The following SLC27A6 variants were observed in gnomAD, a reference collection of about 807,000 sequenced individuals.
The protein encoded by SLC27A6 is solute carrier family 27 member 6.
SLC27A6 carries 74 observed loss-of-function variants against 63.9 expected under a neutral mutation model. The ratio of observed to expected loss-of-function variants is 1.16; its 90% CI spans 0.96 to 1.40. The LOEUF (loss-of-function observed/expected upper bound fraction) is 1.40, where lower values mean the gene tolerates loss of function less well. Ranked by LOEUF, SLC27A6 falls within the 40% of genes most tolerant of loss-of-function variation. SLC27A6 has a pLI of 0.00. For missense variants in SLC27A6, 794 were observed against 732.9 expected, an observed-to-expected ratio of 1.08 and a Z score of -0.96; for synonymous variants, 287 against 260.8, an observed-to-expected ratio of 1.10 and a Z score of -0.97.
intron 6 of SLC27A6, 131 bp from the exon 7 acceptor site, chr5:129,027,002 A>C (rs1372547315): frequency 1.6e-5 from 11 of 698,824 alleles, no homozygotes; most frequent in Middle Eastern, 5.6e-4. Flanking sequence ...TGTCAAATAC[A>C]GAAATAGGTT....
chr5:129,009,931 C>A (rs1278430143), intron 4 of SLC27A6, among the ~76,000 whole-genome samples: 1 of 152,178 alleles, frequency 6.6e-6, no homozygotes, highest in African/African-American at 2.4e-5. Flanking sequence ...CCCGCCTCAG[C>A]CTCCCAAAGT....
At chr5:128,997,667 T>C (rs926853597) in intron 4 of SLC27A6, among the ~76,000 whole-genome samples, 2 of 152,226 alleles carry the variant, frequency 1.3e-5, no homozygotes, top group African/African-American at 2.4e-5. Flanking sequence ...TCTTTTTCTA[T>C]CTGTCCTTTA....
chr5:129,024,935 C>A (rs1752186790), intron 6 of SLC27A6, among the ~76,000 whole-genome samples: 1 of 152,154 alleles, frequency 6.6e-6, no homozygotes, highest in South Asian at 2.1e-4. Flanking sequence ...GAATTTCAAG[C>A]CTACTGGCAT....
rs1761205803 is a variant in SLC27A6 at position 129,023,682 on chromosome 5, G to T, written c.1227G>T (p.Glu409Asp). The change falls in exon 6 of 10, where the codon GAG becomes GAT. Residue 409 changes from glutamate (E) to aspartate (D), a missense_variant. Physicochemically the swap from Glu to Asp is conservative, Grantham distance 45. Transcript: ENST00000262462. The part of the protein sequence containing the change: ...DFQKDEPMRN[E>D]QGWCIHVKKG... The stretch of plus-strand genomic sequence containing the variant: ...AGAAAGATGAACCCATGAGAAATGA[G>T]CAGGGTTGGTGTATTCATGTGAAAA... 1.2e-6 allele frequency: 2 copies of T among 1,609,996 alleles called. No homozygotes were observed. Among genetic ancestry groups the T allele is most frequent in the Non-Finnish European group, 8.5e-7 (1 of 1,178,144 alleles).
chr5:129,012,578 A>G (rs1751760621), intron 4 of SLC27A6, among the ~76,000 whole-genome samples: 1 of 152,002 alleles, frequency 6.6e-6, no homozygotes, highest in South Asian at 2.1e-4. Context: ...ATCTCAGTCT[A>G]TTTTAGCTCT....
chr5:129,009,677 G>A (rs1435637050), intron 4 of SLC27A6, among the ~76,000 whole-genome samples: 1 of 149,546 alleles, frequency 6.7e-6, no homozygotes, highest in African/African-American at 2.4e-5. Context: ...TTCTTTGTGT[G>A]TGTGTGTGTG....
At chr5:129,006,446 A>AGTGTGT (rs72056782) in intron 4 of SLC27A6, among the ~76,000 whole-genome samples, 2,949 of 144,082 alleles carry the variant, frequency 0.02, 42 homozygotes, top group Middle Eastern at 0.028. Flanking sequence ...TATATGCATG[A>AGTGTGT]GTGTGTGTGT....
rs1041402739 is a variant in SLC27A6, at chr5:128,973,193, G to T, written c.481+6575G>T. 7.6e-4 allele frequency among the ~76,000 whole-genome samples: 115 copies of T among 152,242 alleles called. 1 individual carries two copies. Among genetic ancestry groups the T allele is most frequent in the African/African-American group, 2.7e-3 (111 of 41,556 alleles). The stretch of plus-strand genomic sequence containing the variant: ...TATGCAGTGTCAGTTGGCCCCTACT[G>T]GGAGATGTCTCCCAGTTAGGCTACT... On this transcript the variant is annotated intron_variant, in intron 1 of 9. Transcript: ENST00000262462.
rs544670127 is a variant in SLC27A6 at position 128,966,358 on chromosome 5, T to C, written c.221T>C (p.Ile74Thr). Residue 74 changes from isoleucine (I) to threonine (T), a missense_variant, in exon 1 of 10, where the codon ATC (isoleucine) becomes ACC (threonine). By Grantham distance (89) the Ile-to-Thr change is moderately conservative. Coordinates refer to ENST00000262462, the MANE Select transcript of SLC27A6 (RefSeq NM_001017372.3). ...AGACAACCTCGGAAACCTTTCATCA[T>C]CTATGAGGGAGACATCTACACCTAT... Reference protein sequence around the residue: ...AKRQPRKPFIIYEGDIYTYQD... With the variant: ...AKRQPRKPFITYEGDIYTYQD... 6.2e-7 allele frequency: 1 copy of C among 1,612,640 alleles called. No homozygotes were observed. Among genetic ancestry groups the C allele is most frequent in the South Asian group, 1.1e-5 (1 of 90,920 alleles).
At chr5:129,022,997 A>G (rs540543869) in intron 5 of SLC27A6, among the ~76,000 whole-genome samples, 1 of 152,190 alleles carries the variant, frequency 6.6e-6, no homozygotes, top group African/African-American at 2.4e-5. Context: ...TCTTGATGCG[A>G]TGGGAGTTTT....
rs1580691579 is a variant in SLC27A6 at position 128,966,164 on chromosome 5, A to G, written c.27A>G (p.Leu9=). 6.4e-7 allele frequency: 1 copy of G among 1,568,236 alleles called. No individual in the cohort carries two copies. Residue 9 remains leucine, a synonymous_variant, in exon 1 of 10, where the codon CTA becomes CTG. Coordinates refer to ENST00000262462, the MANE Select transcript of SLC27A6 (RefSeq NM_001017372.3). ...TGCTTCTGTCATGGCTAACAGTTCT[A>G]GGGGCTGGAATGGTCGTCCTGCACT... MLLSWLTV[L]GAGMVVLHFL... is the part of the protein sequence containing the mutation.
intron 6 of SLC27A6, among the ~76,000 whole-genome samples, chr5:129,025,328 GA>G (rs201466015): frequency 2.7e-5 from 4 of 147,200 alleles, no homozygotes; most frequent in Non-Finnish European, 4.5e-5. Context: ...TCCTAAAAAA[GA>G]AAAAAAAACG....
intron 1 of SLC27A6, among the ~76,000 whole-genome samples, chr5:128,968,447 C>T (rs370935736): frequency 3.0e-4 from 45 of 152,090 alleles, no homozygotes; most frequent in African/African-American, 8.2e-4. Flanking sequence ...TTTTAATGAT[C>T]GCCATTCTAA....
At chr5:129,013,765 A>G (rs1314994679) in intron 4 of SLC27A6, among the ~76,000 whole-genome samples, 1 of 151,990 alleles carries the variant, frequency 6.6e-6, no homozygotes, top group African/African-American at 2.4e-5. Flanking sequence ...CCTCTTCTCC[A>G]TTCATTTTAT....
intron 4 of SLC27A6, 27 bp downstream of exon 4, chr5:128,990,491 A>T: frequency 1.3e-6 from 2 of 1,585,446 alleles, no homozygotes; most frequent in South Asian, 2.3e-5. Flanking sequence ...TCAGAAAAAA[A>T]TATGTCAGAA....
chr5:129,033,219 G>C lies in SLC27A6; in HGVS notation c.1797G>C (p.Lys599Asn). The C allele has an allele frequency of 6.2e-7, 1 of 1,600,036 alleles. No individual in the cohort carries two copies. The highest frequency in any genetic ancestry group is 8.5e-7 in the Non-Finnish European group (1 of 1,172,242). Residue 599 changes from lysine (K) to asparagine (N), a missense_variant, in exon 10 of 10, where the codon AAG becomes AAC. Lys to Asn is a moderately conservative substitution (Grantham distance 94). Coordinates refer to ENST00000262462, the MANE Select transcript of SLC27A6 (RefSeq NM_001017372.3). ...TTTACTTCATGGATAACTTGAAAAA[G>C]TCTTATGTTCTACTGACCAGGGAAC... Reference protein sequence around the residue: ...EPLYFMDNLKKSYVLLTRELY... With the variant: ...EPLYFMDNLKNSYVLLTRELY...
At position 128,992,732 on chromosome 5, in the gene SLC27A6, T is replaced by C. The variant is rs2150137828; in HGVS notation, c.969+2268T>C. ...TTCTAGTTTTCATTGTACTTTTTGG[T>C]AATGTGATATCTGGACTAGGTTAAT... On this transcript the variant is annotated intron_variant, in intron 4 of 9. Transcript: ENST00000262462. 2.0e-5 allele frequency among the ~76,000 whole-genome samples: 3 copies of C among 152,334 alleles called. No individual in the cohort carries two copies. The South Asian group carries it at 6.2e-4, about 32-fold the overall frequency.
chr5:129,026,455 C>T (rs776882130), intron 6 of SLC27A6, among the ~76,000 whole-genome samples: 6 of 152,138 alleles, frequency 3.9e-5, no homozygotes, highest in Admixed American at 6.6e-5. Flanking sequence ...TGTCTCATCT[C>T]TTTCCCATCA....
In SLC27A6 at chr5:128,985,244, G is replaced by A. The variant is rs1750747977; in HGVS notation, c.593G>A (p.Ser198Asn). 1 of 1,613,922 alleles carries A rather than the reference G, an allele frequency of 6.2e-7. No homozygotes were observed. Among genetic ancestry groups the A allele is most frequent in the Non-Finnish European group, 8.5e-7 (1 of 1,179,878 alleles). ...GTAATTTCACTCAAAGAAAAACTGA[G>A]CACCTCACCTGATGAGCCCGTGCCA... is the stretch of plus-strand genomic sequence containing the variant. Reference protein sequence around the residue: ...QGVISLKEKLSTSPDEPVPRS... With the variant: ...QGVISLKEKLNTSPDEPVPRS... Residue 198 changes from serine to asparagine, a missense_variant, in exon 2 of 10, where the codon AGC (serine) becomes AAC (asparagine). Transcript: ENST00000262462.
Sources: gnomAD v4.1 joint callset for allele counts (sites outside exome capture counted in the v4.1 genomes callset) on GRCh38, gnomAD v4.1.1 for gene constraint, MANE v1.5 for transcripts, NCBI Gene and HGNC (gene_info 2026-07-23, HGNC 2026-07-21) for gene names.